Variants in ASIC2 observed in about 807,000 individuals in gnomAD.
The protein encoded by ASIC2 is acid sensing ion channel subunit 2.
Under a neutral mutation model 57.3 loss-of-function variants are expected in ASIC2, and 25 were observed. The ratio of observed to expected loss-of-function variants is 0.44; its 90% CI spans 0.32 to 0.61. ASIC2 has a LOEUF of 0.61. ASIC2 is among the 20% of genes least tolerant of loss of function. The probability of loss-of-function intolerance (pLI) is 0.06; values close to 1 mark genes in which losing one functional copy is unlikely to be tolerated. For synonymous variants in ASIC2, 319 were observed against 307.5 expected (o/e 1.04, Z -0.39); for missense variants, 641 against 738.1 (o/e 0.87, Z 1.52).
At chr17:33,467,197 T>C (rs1912895568) in intron 1 of ASIC2, among the ~76,000 whole-genome samples, 1 of 152,204 alleles carries the variant, frequency 6.6e-6, no homozygotes, top group South Asian at 2.1e-4. Flanking sequence ...TGCCTCTGCC[T>C]CCCAAAGTGT....
At chr17:33,820,949 C>A (rs928298718) in intron 1 of ASIC2, among the ~76,000 whole-genome samples, 1 of 152,214 alleles carries the variant, frequency 6.6e-6, no homozygotes, top group Non-Finnish European at 1.5e-5. Context: ...GACCACCCAG[C>A]CAGCTTTAGA....
chr17:33,556,719 A>G (rs906681933), intron 1 of ASIC2, among the ~76,000 whole-genome samples: 1 of 152,208 alleles, frequency 6.6e-6, no homozygotes, highest in African/African-American at 2.4e-5. Flanking sequence ...ATTTGGAGGT[A>G]TATGTATTAG....
chr17:33,556,354 G>A (rs1202257719), intron 1 of ASIC2, among the ~76,000 whole-genome samples: 2 of 152,228 alleles, frequency 1.3e-5, no homozygotes, highest in African/African-American at 4.8e-5. Context: ...GCCCTGACAA[G>A]ATGTGGCATA....
rs753896643 is a variant in ASIC2 at position 33,280,152 on chromosome 17, G to A, written c.708+11256C>T. On this transcript the variant is annotated intron_variant, in intron 1 of 9. Transcript: ENST00000225823. ...CATCATAGCCCACCTAAGAGCGTAG[G>A]AGACATTGCTCTTGCTGTTCCAAAG... 5.4e-4 allele frequency among the ~76,000 whole-genome samples: 82 copies of A among 152,066 alleles called. 1 individual carries two copies. Among genetic ancestry groups the A allele is most frequent in the Non-Finnish European group, 9.6e-4 (65 of 68,020 alleles).
At chr17:33,159,662 CTT>C (rs1165311843) in intron 1 of ASIC2, among the ~76,000 whole-genome samples, 1 of 152,190 alleles carries the variant, frequency 6.6e-6, no homozygotes. Flanking sequence ...ATTGCCCACT[CTT>C]GGGTTAGAGT....
At chr17:33,753,826 G>T (rs1390492505) in intron 1 of ASIC2, among the ~76,000 whole-genome samples, 2 of 152,132 alleles carry the variant, frequency 1.3e-5, no homozygotes, top group Non-Finnish European at 2.9e-5. Context: ...CATCCACGAG[G>T]TCTCAAATAT....
chr17:33,790,089 C>T (rs1911725842), intron 1 of ASIC2, among the ~76,000 whole-genome samples: 2 of 152,014 alleles, frequency 1.3e-5, no homozygotes, highest in South Asian at 4.2e-4. Context: ...TAGAAGTTTC[C>T]TTTTTTCAGC....
intron 1 of ASIC2, among the ~76,000 whole-genome samples, chr17:33,523,792 C>T (rs1010483448): frequency 2.6e-5 from 4 of 152,182 alleles, no homozygotes; most frequent in Non-Finnish European, 2.9e-5. Flanking sequence ...CATCTACTCA[C>T]GGCTGATGTA....
chr17:33,604,284 A>G (rs1044656859), intron 1 of ASIC2, among the ~76,000 whole-genome samples: 4 of 152,220 alleles, frequency 2.6e-5, no homozygotes, highest in African/African-American at 4.8e-5. Context: ...GCTTCCTCCT[A>G]TAGGAACTTC....
At chr17:33,881,779 CA>C (rs995187855) in intron 1 of ASIC2, among the ~76,000 whole-genome samples, 1 of 151,754 alleles carries the variant, frequency 6.6e-6, no homozygotes, top group Admixed American at 6.6e-5. Context: ...CATATGGAAC[CA>C]AAAAAAAGCC....
chr17:34,124,155 A>G (rs1226510695), intron 1 of ASIC2, among the ~76,000 whole-genome samples: 1 of 152,194 alleles, frequency 6.6e-6, no homozygotes, highest in Non-Finnish European at 1.5e-5. Flanking sequence ...TATTTTTCTC[A>G]CCATTTTACA....
At chr17:33,732,831 T>C (rs1215900027) in intron 1 of ASIC2, among the ~76,000 whole-genome samples, 2 of 151,996 alleles carry the variant, frequency 1.3e-5, no homozygotes, top group Admixed American at 6.5e-5. Context: ...AGAGACAGGG[T>C]TTCACCATGT....
At chr17:33,760,656 GGTGT>G (rs1226958133) in intron 1 of ASIC2, among the ~76,000 whole-genome samples, 3 of 151,358 alleles carry the variant, frequency 2.0e-5, no homozygotes, top group Non-Finnish European at 4.4e-5. Context: ...TGGGTATGTG[GGTGT>G]GTGTGTATAT....
intron 1 of ASIC2, among the ~76,000 whole-genome samples, chr17:33,651,036 C>T (rs1036883142): frequency 6.6e-6 from 1 of 152,054 alleles, no homozygotes; most frequent in Admixed American, 6.6e-5. Context: ...TTTCTTATAG[C>T]TGCATGTAAA....
chr17:33,551,076 CA>C (rs777019037), intron 1 of ASIC2, among the ~76,000 whole-genome samples: 23 of 152,014 alleles, frequency 1.5e-4, no homozygotes, highest in Non-Finnish European at 2.5e-4. Context: ...ATCTTAAGCT[CA>C]CTGCAGAAAA....
intron 1 of ASIC2, among the ~76,000 whole-genome samples, chr17:33,670,738 C>A (rs1276730771): frequency 6.6e-6 from 1 of 152,230 alleles, no homozygotes; most frequent in African/African-American, 2.4e-5. Flanking sequence ...CCATCAACAA[C>A]AATGGTGTTT....
chr17:33,111,885 C>T (rs2092259491), intron 2 of ASIC2, 32 bp downstream of exon 2: 9 of 1,585,360 alleles, frequency 5.7e-6, no homozygotes, highest in Non-Finnish European at 7.7e-6. Flanking sequence ...CCTCCACCAT[C>T]ACCCAATGCC....
chr17:33,603,260 G>A (rs1032338129), intron 1 of ASIC2, among the ~76,000 whole-genome samples: 2 of 152,204 alleles, frequency 1.3e-5, no homozygotes, highest in African/African-American at 2.4e-5. Flanking sequence ...TGGTGGGGGT[G>A]TTGGGCTGCT....
intron 1 of ASIC2, among the ~76,000 whole-genome samples, chr17:33,653,318 C>T (rs925691231): frequency 6.6e-6 from 1 of 152,194 alleles, no homozygotes; most frequent in Admixed American, 6.5e-5. Context: ...CATCATCCCA[C>T]CCTGGCACCT....
Sources: allele counts gnomAD v4.1 joint callset (sites outside exome capture counted in the v4.1 genomes callset), GRCh38; gene constraint gnomAD v4.1.1; transcripts MANE v1.5; gene names NCBI Gene and HGNC (gene_info 2026-07-23, HGNC 2026-07-21).